RBPJ: variants seen among roughly 807,000 people sequenced by gnomAD.
The protein encoded by RBPJ is recombination signal binding protein for immunoglobulin kappa J region, also known as recombining binding protein suppressor of hairless.
A neutral mutation model predicts 67.8 loss-of-function variants in RBPJ; 9 were observed. The ratio of observed to expected loss-of-function variants is 0.13; its 90% CI spans 0.08 to 0.23. The LOEUF (loss-of-function observed/expected upper bound fraction) is 0.23. RBPJ is among the 10% of genes least tolerant of loss of function. RBPJ has a pLI of 1.00. For synonymous variants in RBPJ, 198 were observed against 203.3 expected (o/e 0.97, Z 0.22); for missense variants, 305 against 595.6 (o/e 0.51, Z 5.08).
intron 4 of RBPJ, among the ~76,000 whole-genome samples, chr4:26,418,180 A>G (rs559327870): frequency 1.3e-5 from 2 of 152,262 alleles, no homozygotes; most frequent in Non-Finnish European, 2.9e-5. Flanking sequence ...CTTTCAGGGA[A>G]ATGTCTTTTA....
chr4:26,404,655 A>G (rs1373552613), intron 2 of RBPJ, among the ~76,000 whole-genome samples: 2 of 152,238 alleles, frequency 1.3e-5, no homozygotes, highest in Non-Finnish European at 2.9e-5. Flanking sequence ...ATTAAATAAA[A>G]TAATGGAGTT....
chr4:26,153,752 G>A, the RBPJ span, among the ~76,000 whole-genome samples: 6 of 152,268 alleles, frequency 3.9e-5, no homozygotes, highest in African/African-American at 1.4e-4. Flanking sequence ...TTTCTGCAGT[G>A]TTAACATCAT....
chr4:26,398,384 A>G (rs1278381822), intron 2 of RBPJ, among the ~76,000 whole-genome samples: 1 of 152,200 alleles, frequency 6.6e-6, no homozygotes, highest in East Asian at 1.9e-4. Flanking sequence ...GATTAGCACC[A>G]TAAGGACACC....
chr4:26,130,932 G>T, the RBPJ span, among the ~76,000 whole-genome samples: 5 of 152,204 alleles, frequency 3.3e-5, no homozygotes, highest in African/African-American at 9.7e-5. Flanking sequence ...GTTTGAAACT[G>T]CTAAAATTAC....
intron 1 of RBPJ, among the ~76,000 whole-genome samples, chr4:26,217,646 G>A (rs1384979090): frequency 3.3e-5 from 5 of 152,096 alleles, no homozygotes; most frequent in Non-Finnish European, 7.3e-5. Flanking sequence ...TCTTGGCAGC[G>A]CTGTTTGCAC....
chr4:26,209,557 G>C (rs62409699), intron 1 of RBPJ, among the ~76,000 whole-genome samples: 481 of 44,940 alleles, frequency 0.011, 2 homozygotes, highest in Middle Eastern at 0.038. Context: ...CTCCTTCCCT[G>C]TCTCCCTCCC....
At chr4:26,144,571 A>G in the RBPJ span, among the ~76,000 whole-genome samples, 17 of 152,242 alleles carry the variant, frequency 1.1e-4, no homozygotes, top group Non-Finnish European at 2.2e-4. Flanking sequence ...CACCCAGCCT[A>G]AAAATTCTTT....
At chr4:26,207,043 T>C (rs2109163164) in intron 1 of RBPJ, among the ~76,000 whole-genome samples, 1 of 152,246 alleles carries the variant, frequency 6.6e-6, no homozygotes, top group South Asian at 2.1e-4. Context: ...AGGTTTAGAT[T>C]CAAGCAGTGC....
intron 1 of RBPJ, among the ~76,000 whole-genome samples, chr4:26,214,246 G>T (rs1363344743): frequency 8.1e-6 from 1 of 123,328 alleles, no homozygotes; most frequent in Non-Finnish European, 1.7e-5. Flanking sequence ...AAAGAGAAAA[G>T]GGAGAAAAGA....
chr4:26,319,161 C>T (rs376395461), upstream of RBPJ, among the ~76,000 whole-genome samples: 2 of 152,052 alleles, frequency 1.3e-5, no homozygotes, highest in East Asian at 1.9e-4. Flanking sequence ...AGGCGGGGGG[C>T]GCGGTGTCTA....
At chr4:26,390,347 C>A (rs1731377755) in intron 2 of RBPJ, among the ~76,000 whole-genome samples, 1 of 152,060 alleles carries the variant, frequency 6.6e-6, no homozygotes, top group Non-Finnish European at 1.5e-5. Flanking sequence ...AGGAACAACA[C>A]AAGGATGTCT....
intron 1 of RBPJ, among the ~76,000 whole-genome samples, chr4:26,293,703 T>G (rs540305745): frequency 7.2e-6 from 1 of 138,192 alleles, no homozygotes; most frequent in African/African-American, 2.6e-5. Flanking sequence ...ATGCTAATTA[T>G]GATGGCAAAA....
the RBPJ span, chr4:26,113,416 T>C: frequency 5.5e-6 from 3 of 543,146 alleles, no homozygotes; most frequent in African/African-American, 1.9e-5. Context: ...ATGAATGTAC[T>C]GAATGGGGAA....
intron 1 of RBPJ, among the ~76,000 whole-genome samples, chr4:26,189,658 AAAAG>A (rs748398935): frequency 7.9e-5 from 12 of 152,312 alleles, no homozygotes; most frequent in South Asian, 2.1e-4. Flanking sequence ...ACTCCACCTA[AAAAG>A]AAAGAAAGAA....
At position 26,255,342 on chromosome 4, in the gene RBPJ, T is replaced by G. The variant is rs1202461855; in HGVS notation, c.-167+91728T>G. Among the ~76,000 whole-genome samples the G allele has an allele frequency of 4.9e-3, 529 of 107,478 alleles. 22 individuals carry two copies. The highest frequency in any genetic ancestry group is 0.024 in the African/African-American group (500 of 21,182). The allele number at this position is 107,478 out of a possible 152,430, so 70.5% of individuals were successfully genotyped here. A position where few individuals can be genotyped will look rare whatever the true frequency, so the allele number is the denominator to read the frequency against. On this transcript the variant is annotated intron_variant, in intron 1 of 4. Coordinates refer to the RBPJ transcript ENST00000512351. Reference sequence around the variant, plus strand: ...TGGCGTGAACCCAGGAGGCGGAGCTTGCAGTGAGCCGAGATCGCGCCACCG... The same window carrying G: ...TGGCGTGAACCCAGGAGGCGGAGCTGGCAGTGAGCCGAGATCGCGCCACCG...
rs990800136 is a variant in RBPJ, at chr4:26,351,924, A to T, written c.20+30876A>T. Among the ~76,000 whole-genome samples the T allele has an allele frequency of 2.0e-5, 3 of 152,176 alleles. No homozygotes were observed. In the East Asian group the frequency reaches 5.8e-4, roughly 29 times the overall value. On this transcript the variant is annotated intron_variant, in intron 1 of 10. Transcript: ENST00000355476. ...ACTTCTAGATGTTCTATTAAGAAAC[A>T]GTGTGTGCTAAGAGCTGCTTTGGGT...
intron 1 of RBPJ, among the ~76,000 whole-genome samples, chr4:26,279,130 TGTTAAC>T (rs1721175324): frequency 6.6e-6 from 1 of 152,196 alleles, no homozygotes; most frequent in African/African-American, 2.4e-5. Context: ...ACTCAATAAA[TGTTAAC>T]TATTTGTTTG....
intron 1 of RBPJ, among the ~76,000 whole-genome samples, chr4:26,222,270 G>C (rs944478145): frequency 3.3e-5 from 5 of 152,288 alleles, no homozygotes; most frequent in African/African-American, 1.2e-4. Flanking sequence ...GAGGCATGTG[G>C]ATCACCTGAG....
At chr4:26,124,415 C>CATATATATATATAT in the RBPJ span, among the ~76,000 whole-genome samples, 44 of 62,418 alleles carry the variant, frequency 7.0e-4, no homozygotes, top group East Asian at 1.2e-3. Flanking sequence ...AGTATTCCAT[C>CATATATATATATAT]ATATATATAT....
Sources: gnomAD v4.1 joint callset for allele counts (sites outside exome capture counted in the v4.1 genomes callset) on GRCh38, gnomAD v4.1.1 for gene constraint, MANE v1.5 for transcripts, NCBI Gene and HGNC (gene_info 2026-07-23, HGNC 2026-07-21) for gene names.